ADAMTSL2: variants seen among roughly 807,000 people sequenced by gnomAD.
ADAMTSL2 encodes ADAMTS like 2, also known as ADAMTS-like protein 2.
In ADAMTSL2, 55 loss-of-function variants were observed where a neutral mutation model predicts 117.0. The observed-to-expected ratio is 0.47, with a 90% CI of 0.38 to 0.59. The LOEUF (loss-of-function observed/expected upper bound fraction) is 0.59, where lower values mean the gene tolerates loss of function less well. ADAMTSL2 is among the 20% of genes least tolerant of loss of function. The pLI is 0.00. For missense variants in ADAMTSL2, 1,182 were observed against 1,354.5 expected (o/e 0.87, Z 2.00); for synonymous variants, 572 against 566.4 (o/e 1.01, Z -0.14).
chr9:133,560,929 G>A (rs1433572185), intron 11 of ADAMTSL2, among the ~76,000 whole-genome samples: 2 of 152,220 alleles, frequency 1.3e-5, no homozygotes, highest in Admixed American at 1.3e-4. Flanking sequence ...CCTCCCCTCC[G>A]GAAGGAGCTC....
In ADAMTSL2 at chr9:133,558,692, C is replaced by T. The variant is rs1363510833; in HGVS notation, c.1650-2506C>T. Among the ~76,000 whole-genome samples, 3 of 152,214 alleles carry T rather than the reference C, an allele frequency of 2.0e-5. No homozygotes were observed. The highest frequency in any genetic ancestry group is 1.9e-4 in the East Asian group (1 of 5,192). On this transcript the variant is annotated intron_variant, in intron 11 of 18. Coordinates refer to ENST00000651351, the MANE Select transcript of ADAMTSL2 (RefSeq NM_014694.4). The surrounding 1 kb of genome is among the most constrained non-coding windows in gnomAD (Gnocchi z 4.3). Reference sequence around the variant, plus strand: ...GGTGGTCTGGTGGTGACTCCACAGCCGTCACCAGCCCCAGTCTAGCAGCTC... The same window carrying T: ...GGTGGTCTGGTGGTGACTCCACAGCTGTCACCAGCCCCAGTCTAGCAGCTC...
chr9:133,542,936 C>T (rs970050074), intron 7 of ADAMTSL2, among the ~76,000 whole-genome samples: 3 of 151,994 alleles, frequency 2.0e-5, no homozygotes, highest in African/African-American at 7.2e-5. Flanking sequence ...ATTTTCTAAT[C>T]CTTTAGTGTC....
intron 4 of ADAMTSL2, among the ~76,000 whole-genome samples, chr9:133,539,553 G>T (rs903125374): frequency 8.0e-6 from 1 of 124,762 alleles, no homozygotes; most frequent in Admixed American, 8.3e-5. Context: ...GGGCTGGCGT[G>T]GGGGGCGGAG....
At chr9:133,574,614 G>A in intron 18 of ADAMTSL2, 132 bp from the exon 19 acceptor site, 2 of 791,652 alleles carry the variant, frequency 2.5e-6, no homozygotes, top group South Asian at 2.7e-5. Context: ...GGGGCAGAGA[G>A]CTAGAGATGG....
At chr9:133,560,517 A>G (rs1273482384) in intron 11 of ADAMTSL2, among the ~76,000 whole-genome samples, 1 of 152,256 alleles carries the variant, frequency 6.6e-6, no homozygotes, top group Non-Finnish European at 1.5e-5. Context: ...TCAAAGAAGC[A>G]AACAGTCCTA....
chr9:133,555,488 C>T, intron 10 of ADAMTSL2, 70 bp from the exon 11 acceptor site: 3 of 1,601,698 alleles, frequency 1.9e-6, no homozygotes, highest in Non-Finnish European at 2.6e-6. Flanking sequence ...GTCCAGGTCC[C>T]CTCCCCAGGG....
At position 133,544,379 on chromosome 9, in the gene ADAMTSL2, G is replaced by A. The variant is rs968410021; in HGVS notation, c.683-91G>A. ...TTGGGCCAGCCCTTAGACAGCCACCGCTCACCCTCCAATAGCTGTGGAGTG... is the reference window on the plus strand; with the variant it reads ...TTGGGCCAGCCCTTAGACAGCCACCACTCACCCTCCAATAGCTGTGGAGTG... On this transcript the variant is annotated intron_variant, in intron 7 of 18. Transcript: ENST00000651351. 81 of 1,085,382 alleles carry A rather than the reference G, an allele frequency of 7.5e-5. 1 individual carries two copies. The highest frequency in any genetic ancestry group is 1.7e-4 in the East Asian group (7 of 42,362). 67.2% of individuals were successfully genotyped at this position (1,085,382 alleles called of 1,614,324 possible).
chr9:133,540,825 G>T (rs568092480), intron 6 of ADAMTSL2, 53 bp from the exon 7 acceptor site: 2 of 1,612,794 alleles, frequency 1.2e-6, no homozygotes, highest in Non-Finnish European at 1.7e-6. Context: ...TGGCGGCCCC[G>T]GGGCCTGGCC....
upstream of ADAMTSL2, chr9:133,534,636 TG>T: frequency 7.7e-7 from 1 of 1,300,458 alleles, no homozygotes; most frequent in Non-Finnish European, 9.8e-7. Flanking sequence ...AGCGGCCTGG[TG>T]GGAAGTGTGA....
In ADAMTSL2 at chr9:133,569,487, C is replaced by T; in HGVS notation, c.2324C>T (p.Ser775Phe). The change falls in exon 16 of 19, where the codon TCC becomes TTC. Residue 775 changes from serine (S) to phenylalanine (F), a missense_variant. Physicochemically the swap from Ser to Phe is radical, Grantham distance 155. Coordinates refer to ENST00000651351, the MANE Select transcript of ADAMTSL2 (RefSeq NM_014694.4). ...AGCGACGGACGGGTAGTACCTGAGT[C>T]CCAGTGCCAGATGGAGACCAAGCCT... The part of the protein sequence containing the change: ...KTSDGRVVPE[S>F]QCQMETKPLA... The T allele has an allele frequency of 6.2e-7, 1 of 1,613,224 alleles. No individual in the cohort carries two copies.
Position 133,555,815 on chromosome 9 carries a change from G to A in ADAMTSL2, c.1534G>A (p.Gly512Arg), listed in dbSNP as rs1830593386. 75 of 1,613,808 alleles carry A rather than the reference G, an allele frequency of 4.6e-5. No individual in the cohort carries two copies. The South Asian group carries it at 6.7e-4, about 14-fold the overall frequency. ...NEGAGPYLLN[G>R]SYLELSSDRV... The stretch of plus-strand genomic sequence containing the variant: ...GGGGGCTGGCCCTTACCTGCTCAAC[G>A]GGTCCTACCTGGAGCTGAGCAGCGA... The change falls in exon 11 of 19, where the codon GGG becomes AGG. Residue 512 changes from glycine (G) to arginine (R), a missense_variant. Physicochemically the swap from Gly to Arg is moderately radical, Grantham distance 125. Transcript: ENST00000651351.
chr9:133,553,184 T>C (rs963358704), intron 9 of ADAMTSL2, among the ~76,000 whole-genome samples: 3 of 152,186 alleles, frequency 2.0e-5, no homozygotes, highest in Non-Finnish European at 4.4e-5. Context: ...TTTGAGGCCC[T>C]GAAGGCTTGG....
At chr9:133,546,300 C>A (rs1830346213) in intron 8 of ADAMTSL2, among the ~76,000 whole-genome samples, 2 of 152,188 alleles carry the variant, frequency 1.3e-5, no homozygotes, top group Admixed American at 1.3e-4. Context: ...TTCCATCAGG[C>A]TGGAGTTAGG....
At position 133,555,787 on chromosome 9, in the gene ADAMTSL2, C is replaced by T. The variant is rs1172160153; in HGVS notation, c.1506C>T (p.Asn502=). The T allele has an allele frequency of 1.9e-5, 30 of 1,613,984 alleles. No individual in the cohort carries two copies. Among genetic ancestry groups the T allele is most frequent in the Middle Eastern group, 3.3e-4 (2 of 6,062 alleles). The part of the protein sequence containing the change: ...AESFFVDYEE[N]EGAGPYLLNG... ...GCTTCTTCGTGGATTATGAGGAGAA[C>T]GAGGGGGCTGGCCCTTACCTGCTCA... is the stretch of plus-strand genomic sequence containing the variant. The change falls in exon 11 of 19, where the codon AAC becomes AAT. Residue 502 remains asparagine (N), a synonymous_variant. Coordinates refer to ENST00000651351, the MANE Select transcript of ADAMTSL2 (RefSeq NM_014694.4).
At chr9:133,571,443 G>A (rs1412837548) in intron 17 of ADAMTSL2, among the ~76,000 whole-genome samples, 2 of 152,296 alleles carry the variant, frequency 1.3e-5, no homozygotes, top group East Asian at 1.9e-4. Context: ...CACAGAGGGG[G>A]TGGCAAACTG....
At chr9:133,564,597 G>GGA (rs1322212903) in intron 12 of ADAMTSL2, among the ~76,000 whole-genome samples, 1 of 26,144 alleles carries the variant, frequency 3.8e-5, no homozygotes, top group Non-Finnish European at 7.3e-5. Context: ...AGAGAGAGGG[G>GGA]GAGAGAGAGG....
At position 133,550,795 on chromosome 9, in the gene ADAMTSL2, G is replaced by A. The variant is rs184202915; in HGVS notation, c.940-3562G>A. ...TTCCTCCACGCTGATTCATTCACCCGTTGTGCCTGCAGTGGGGTGATGATG... is the reference window on the plus strand; with the variant it reads ...TTCCTCCACGCTGATTCATTCACCCATTGTGCCTGCAGTGGGGTGATGATG... On this transcript the variant is annotated intron_variant, in intron 9 of 18. Transcript: ENST00000651351. 3.1e-4 allele frequency among the ~76,000 whole-genome samples: 47 copies of A among 152,284 alleles called. 1 individual carries two copies. Among genetic ancestry groups the A allele is most frequent in the Admixed American group, 2.4e-3 (37 of 15,306 alleles).
chr9:133,547,254 G>A (rs765852298), intron 9 of ADAMTSL2, 41 bp downstream of exon 9: 2 of 1,591,138 alleles, frequency 1.3e-6, no homozygotes, highest in South Asian at 1.1e-5. Context: ...GGGGCCCTGG[G>A]CACTGTTTCC....
At chr9:133,535,449 G>A (rs1427547867) in intron 1 of ADAMTSL2, among the ~76,000 whole-genome samples, 1 of 152,130 alleles carries the variant, frequency 6.6e-6, no homozygotes, top group Non-Finnish European at 1.5e-5. Context: ...TGCGTCGTCC[G>A]GGCTGCAGTG....
Sources: gnomAD v4.1 joint callset for allele counts (sites outside exome capture counted in the v4.1 genomes callset) on GRCh38, gnomAD v4.1.1 for gene constraint, Gnocchi (gnomAD v3.1) non-coding constraint, MANE v1.5 for transcripts, NCBI Gene and HGNC (gene_info 2026-07-23, HGNC 2026-07-21) for gene names.